Variants in ACAP2 observed in about 807,000 individuals in gnomAD.
ACAP2 encodes the protein ArfGAP with coiled-coil, ankyrin repeat and PH domains 2.
ACAP2 carries 39 observed loss-of-function variants against 115.8 expected under a neutral mutation model. The observed-to-expected ratio is 0.34, with a 90% CI of 0.26 to 0.44. The LOEUF is 0.44. Ranked by LOEUF, ACAP2 falls within the 20% of genes least tolerant of loss-of-function variation. The pLI, the probability that ACAP2 is intolerant of heterozygous loss-of-function variation, is 1.00. For missense variants in ACAP2, 662 were observed against 927.6 expected (o/e 0.71, Z 3.72); for synonymous variants, 289 against 315.8 (o/e 0.92, Z 0.90).
rs532757914 is a variant in ACAP2, at chr3:195,345,282, T to C, written c.321A>G (p.Ala107=). 1 of 1,611,828 alleles carries C rather than the reference T, an allele frequency of 6.2e-7. No individual in the cohort carries two copies. Among genetic ancestry groups the C allele is most frequent in the East Asian group, 2.2e-5 (1 of 44,718 alleles). The stretch of plus-strand genomic sequence containing the variant: ...ACTCTTTAACAAAGTTCTGAAGCTG[T>C]GCCTTAATTGATCTCTGAGTTTGGT... The part of the protein sequence containing the change: ...LFDQTQRSIK[A]QLQNFVKEDL... Residue 107 remains alanine, a synonymous_variant, in exon 5 of 23, where the codon GCA becomes GCG. Transcript: ENST00000326793.
chr3:195,437,333 C>T (rs1715624595), intron 1 of ACAP2, among the ~76,000 whole-genome samples: 1 of 152,152 alleles, frequency 6.6e-6, no homozygotes, highest in Non-Finnish European at 1.5e-5. Context: ...TAAGCTACTG[C>T]ACCCAGCCTA....
chr3:195,383,770 G>A (rs1332011295), intron 2 of ACAP2, among the ~76,000 whole-genome samples: 1 of 151,752 alleles, frequency 6.6e-6, no homozygotes, highest in Non-Finnish European at 1.5e-5. Flanking sequence ...CATAAAAAAG[G>A]GTATATAAAT....
At chr3:195,364,343 C>T (rs1732571656) in intron 4 of ACAP2, among the ~76,000 whole-genome samples, 1 of 151,988 alleles carries the variant, frequency 6.6e-6, no homozygotes, top group Admixed American at 6.6e-5. Flanking sequence ...GAAAAGGCAC[C>T]CAACATCAAT....
intron 8 of ACAP2, among the ~76,000 whole-genome samples, chr3:195,328,490 A>C (rs1370290570): frequency 6.6e-6 from 1 of 152,120 alleles, no homozygotes; most frequent in Non-Finnish European, 1.5e-5. Flanking sequence ...CAACTATGCT[A>C]CTCTATGATC....
chr3:195,291,929 C>G, intron 19 of ACAP2, 114 bp from the exon 20 acceptor site: 1 of 843,060 alleles, frequency 1.2e-6, no homozygotes, highest in Non-Finnish European at 1.7e-6. Flanking sequence ...CCATTTCCTT[C>G]TCTCCAAAAC....
Position 195,292,378 on chromosome 3 carries a change from A to G in ACAP2, c.1840T>C (p.Ser614Pro). 6.2e-7 allele frequency: 1 copy of G among 1,614,048 alleles called. No individual in the cohort carries two copies. Among genetic ancestry groups the G allele is most frequent in the Non-Finnish European group, 8.5e-7 (1 of 1,179,994 alleles). Residue 614 changes from serine to proline, a missense_variant, in exon 19 of 23, where the codon TCA becomes CCA. Ser to Pro is a moderately conservative substitution (Grantham distance 74, BLOSUM62 -1). Around this residue, in one of 3 missense-constraint regions of ACAP2, gnomAD observed 133 missense variants for 123.1 expected, o/e 1.08. Transcript: ENST00000326793. ...ATTTTAGGAAGGTTTTTTTCATATG[A>G]CGCCCTATAAAGCTGAAGTCCTGGA... The part of the protein sequence containing the change: ...LNPGLQLYRA[S>P]YEKNLPKMAE...
intron 1 of ACAP2, among the ~76,000 whole-genome samples, chr3:195,434,292 G>A (rs1049786594): frequency 5.9e-5 from 9 of 152,080 alleles, no homozygotes; most frequent in Non-Finnish European, 1.3e-4. Flanking sequence ...GAGTGCAGTG[G>A]CGCAAATACA....
intron 15 of ACAP2, among the ~76,000 whole-genome samples, chr3:195,299,121 C>T (rs1727852300): frequency 6.6e-6 from 1 of 152,102 alleles, no homozygotes; most frequent in Non-Finnish European, 1.5e-5. Flanking sequence ...TCTTTAAAAT[C>T]TGCACTGGTA....
intron 1 of ACAP2, among the ~76,000 whole-genome samples, chr3:195,403,131 AC>A (rs1484811319): frequency 4.6e-5 from 7 of 152,220 alleles, no homozygotes; most frequent in Non-Finnish European, 8.8e-5. Context: ...TTGACCAAAG[AC>A]CTGAAGTAAC....
intron 3 of ACAP2, among the ~76,000 whole-genome samples, chr3:195,381,342 T>C (rs750361955): frequency 6.6e-6 from 1 of 152,192 alleles, no homozygotes; most frequent in Non-Finnish European, 1.5e-5. Flanking sequence ...TAAGGTAAAA[T>C]TGTTTTGCGT....
At chr3:195,315,882 T>C (rs575099598) in intron 10 of ACAP2, among the ~76,000 whole-genome samples, 1 of 152,318 alleles carries the variant, frequency 6.6e-6, no homozygotes, top group Non-Finnish European at 1.5e-5. Context: ...AAATTAATCA[T>C]AATGAAAAGG....
At chr3:195,323,272 G>GA (rs1415741360) in intron 9 of ACAP2, among the ~76,000 whole-genome samples, 1 of 151,954 alleles carries the variant, frequency 6.6e-6, no homozygotes, top group Non-Finnish European at 1.5e-5. Flanking sequence ...GGAAAGAAAG[G>GA]AAAAAACCAT....
chr3:195,330,591 C>A (rs1183668295), intron 8 of ACAP2, among the ~76,000 whole-genome samples: 5 of 152,098 alleles, frequency 3.3e-5, no homozygotes, highest in Non-Finnish European at 7.4e-5. Flanking sequence ...TCTCCTTACC[C>A]CCAAGTCTGG....
Position 195,380,862 on chromosome 3 carries a change from C to T in ACAP2, c.285+147G>A, listed in dbSNP as rs535116465. 9 of 674,624 alleles carry T rather than the reference C, an allele frequency of 1.3e-5. No homozygotes were observed. The Admixed American group carries it at 1.6e-4, about 12-fold the overall frequency. The allele number at this position is 674,624 out of a possible 1,614,324, so 41.8% of individuals were successfully genotyped here. ...CACTCACACACAAATACACACACAG[C>T]GTACATTTTAGATTCACCCAGCTAA... On this transcript the variant is annotated intron_variant, in intron 4 of 22. Transcript: ENST00000326793.
At chr3:195,389,322 T>C (rs965789387) in intron 2 of ACAP2, among the ~76,000 whole-genome samples, 1 of 152,210 alleles carries the variant, frequency 6.6e-6, no homozygotes, top group Non-Finnish European at 1.5e-5. Flanking sequence ...AATCCACTCA[T>C]AACAGCAAAA....
chr3:195,372,987 C>CAAAAAAAAAAAAAAAAAAAAA (rs869134113), intron 4 of ACAP2, among the ~76,000 whole-genome samples: 7 of 17,778 alleles, frequency 3.9e-4, no homozygotes, highest in African/African-American at 5.7e-4. Context: ...GACTCCATCT[C>CAAAAAAAAAAAAAAAAAAAAA]AAAAAAAAAA....
At chr3:195,376,575 G>A (rs1411626064) in intron 4 of ACAP2, among the ~76,000 whole-genome samples, 33 of 151,902 alleles carry the variant, frequency 2.2e-4, no homozygotes, top group Admixed American at 2.1e-3. Context: ...AAACATATGA[G>A]TTAAAGAGAA....
intron 4 of ACAP2, among the ~76,000 whole-genome samples, chr3:195,374,822 C>T (rs1425914342): frequency 6.6e-6 from 1 of 151,920 alleles, no homozygotes; most frequent in Non-Finnish European, 1.5e-5. Context: ...TCATGCCATT[C>T]TCCTGTCTCA....
intron 15 of ACAP2, among the ~76,000 whole-genome samples, chr3:195,298,161 G>A (rs1727775525): frequency 6.6e-6 from 1 of 152,042 alleles, no homozygotes; most frequent in Non-Finnish European, 1.5e-5. Flanking sequence ...GAGATAACAA[G>A]AGGATTACAA....
Sources: allele counts gnomAD v4.1 joint callset (sites outside exome capture counted in the v4.1 genomes callset), GRCh38; gene constraint gnomAD v4.1.1; regional missense constraint gnomAD v4.1.1; transcripts MANE v1.5; gene names NCBI Gene and HGNC (gene_info 2026-07-23, HGNC 2026-07-21).